ZBTB20: variants seen among roughly 807,000 people sequenced by gnomAD.
ZBTB20 encodes zinc finger and BTB domain containing 20.
ZBTB20 carries 9 observed loss-of-function variants against 56.9 expected under a neutral mutation model. The ratio of observed to expected loss-of-function variants is 0.16; its 90% CI spans 0.10 to 0.28. The LOEUF (loss-of-function observed/expected upper bound fraction) is 0.28, where lower values mean the gene tolerates loss of function less well. Ranked by LOEUF, ZBTB20 falls within the 10% of genes least tolerant of loss-of-function variation. ZBTB20 has a pLI of 1.00. For synonymous variants in ZBTB20, 417 were observed against 420.7 expected (o/e 0.99, Z 0.11); for missense variants, 655 against 1,003.0 (o/e 0.65, Z 4.69).
intron 6 of ZBTB20, among the ~76,000 whole-genome samples, chr3:114,638,136 G>A (rs1336499424): frequency 6.6e-6 from 1 of 152,040 alleles, no homozygotes; most frequent in Non-Finnish European, 1.5e-5. Context: ...GTGGCCTAGG[G>A]ATTCAGTTAT....
At chr3:114,546,030 T>C (rs2049837160) in intron 6 of ZBTB20, among the ~76,000 whole-genome samples, 1 of 152,242 alleles carries the variant, frequency 6.6e-6, no homozygotes, top group African/African-American at 2.4e-5. Context: ...TGAAGAATTT[T>C]TGAGATCCAT....
intron 6 of ZBTB20, among the ~76,000 whole-genome samples, chr3:114,567,670 C>T (rs372684277): frequency 7.1e-4 from 108 of 152,250 alleles, no homozygotes; most frequent in African/African-American, 1.1e-3. Context: ...CATATAACCC[C>T]TACATCACAC....
intron 1 of ZBTB20, among the ~76,000 whole-genome samples, chr3:115,099,613 C>T (rs1229398025): frequency 6.6e-6 from 1 of 152,182 alleles, no homozygotes; most frequent in Admixed American, 6.6e-5. Flanking sequence ...ATTAAATAAA[C>T]ATGCTGGCAA....
chr3:114,815,599 G>A (rs1222393658), intron 4 of ZBTB20, among the ~76,000 whole-genome samples: 1 of 152,116 alleles, frequency 6.6e-6, no homozygotes, highest in Non-Finnish European at 1.5e-5. Context: ...TTTAGTAATT[G>A]ATCAAGTACT....
intron 6 of ZBTB20, among the ~76,000 whole-genome samples, chr3:114,640,759 T>C (rs914778931): frequency 1.3e-5 from 2 of 151,980 alleles, no homozygotes; most frequent in Admixed American, 6.6e-5. Flanking sequence ...CCAACTTCTA[T>C]AAAGAGAAAG....
In ZBTB20 at chr3:114,388,900, G is replaced by A. The variant is rs183368771; in HGVS notation, c.-154+105C>T. On this transcript the variant is annotated intron_variant, in intron 8 of 11. Transcript: ENST00000675478. ...TGGTTACCCTGCTGATCCAAGAAAT[G>A]AAGCCATCTAAAATTTTGCCTGCTT... is the stretch of plus-strand genomic sequence containing the variant. 2.0e-5 allele frequency: 3 copies of A among 152,396 alleles called. No individual in the cohort carries two copies. The East Asian group carries it at 5.8e-4, about 29-fold the overall frequency. 9.4% of individuals were successfully genotyped at this position (152,396 alleles called of 1,614,324 possible). A position where few individuals can be genotyped will look rare whatever the true frequency, so the allele number is the denominator to read the frequency against.
chr3:114,535,257 GAAGAA>G (rs2048327500), intron 6 of ZBTB20, among the ~76,000 whole-genome samples: 1 of 151,942 alleles, frequency 6.6e-6, no homozygotes, highest in Non-Finnish European at 1.5e-5. Flanking sequence ...GACTAATCAA[GAAGAA>G]AAGAGAGAAG....
chr3:114,467,656 T>C (rs2092605332), intron 7 of ZBTB20, among the ~76,000 whole-genome samples: 1 of 152,200 alleles, frequency 6.6e-6, no homozygotes, highest in Non-Finnish European at 1.5e-5. Flanking sequence ...TAAACAAACA[T>C]TATTTTTTCC....
intron 6 of ZBTB20, among the ~76,000 whole-genome samples, chr3:114,601,680 T>C (rs557551584): frequency 2.0e-5 from 3 of 152,070 alleles, no homozygotes; most frequent in African/African-American, 7.2e-5. Flanking sequence ...AGGAAGAAGA[T>C]TGCATATTGA....
intron 7 of ZBTB20, among the ~76,000 whole-genome samples, chr3:114,408,972 C>T (rs2087632643): frequency 6.6e-6 from 1 of 151,976 alleles, no homozygotes; most frequent in Non-Finnish European, 1.5e-5. Flanking sequence ...CAATTAAGGT[C>T]CTCGCCTTCA....
intron 7 of ZBTB20, among the ~76,000 whole-genome samples, chr3:114,447,640 T>C (rs1251524627): frequency 6.6e-6 from 1 of 152,190 alleles, no homozygotes; most frequent in Non-Finnish European, 1.5e-5. Context: ...CAATTTTATG[T>C]GTGTAGTATG....
chr3:114,465,859 C>T (rs1179090949), intron 7 of ZBTB20, among the ~76,000 whole-genome samples: 1 of 152,104 alleles, frequency 6.6e-6, no homozygotes, highest in African/African-American at 2.4e-5. Flanking sequence ...CAGAGCTGAG[C>T]TTTACCTCAG....
intron 5 of ZBTB20, among the ~76,000 whole-genome samples, chr3:114,754,714 C>T (rs1462291174): frequency 6.6e-6 from 1 of 151,926 alleles, no homozygotes; most frequent in Non-Finnish European, 1.5e-5. Context: ...TATAGTAGTT[C>T]TTAATAAATG....
chr3:115,017,865 C>T (rs1161056894), intron 2 of ZBTB20, among the ~76,000 whole-genome samples: 1 of 151,426 alleles, frequency 6.6e-6, no homozygotes, highest in Non-Finnish European at 1.5e-5. Context: ...ATATATACAA[C>T]ACATATGCAC....
chr3:114,765,154 G>C (rs2068701529), intron 5 of ZBTB20, among the ~76,000 whole-genome samples: 1 of 152,142 alleles, frequency 6.6e-6, no homozygotes, highest in Non-Finnish European at 1.5e-5. Context: ...ATTGAGTCCT[G>C]CAGAAATCAT....
At chr3:114,983,311 T>G (rs1341117503) in intron 2 of ZBTB20, among the ~76,000 whole-genome samples, 1 of 152,038 alleles carries the variant, frequency 6.6e-6, no homozygotes, top group African/African-American at 2.4e-5. Context: ...GCATGAGGTA[T>G]TCGTCTCTAC....
rs987157460 is a variant in ZBTB20, at chr3:114,326,277, G to A, written c.*12728C>T. ...AAAAAGGATTTGAGGAGGCAATAAGGATTTGTAGTACAAAATGCATGGTCT... is the reference window on the plus strand; with the variant it reads ...AAAAAGGATTTGAGGAGGCAATAAGAATTTGTAGTACAAAATGCATGGTCT... On this transcript the variant is annotated 3_prime_UTR_variant, in exon 12 of 12. Transcript: ENST00000675478. 6.6e-6 allele frequency: 1 copy of A among 152,074 alleles called. No homozygotes were observed. Among genetic ancestry groups the A allele is most frequent in the Non-Finnish European group, 1.5e-5 (1 of 68,010 alleles). The allele number at this position is 152,074 out of a possible 1,614,324, so 9.4% of individuals were successfully genotyped here.
At chr3:115,001,531 A>AT (rs150068271) in intron 2 of ZBTB20, among the ~76,000 whole-genome samples, 16 of 149,356 alleles carry the variant, frequency 1.1e-4, no homozygotes, top group Middle Eastern at 3.4e-3. Context: ...AAGTTTAGGG[A>AT]TTTTTTTTTT....
intron 6 of ZBTB20, among the ~76,000 whole-genome samples, chr3:114,612,099 A>G (rs2057604791): frequency 6.6e-6 from 1 of 152,126 alleles, no homozygotes; most frequent in Non-Finnish European, 1.5e-5. Flanking sequence ...GTTTTCCCAT[A>G]TTAAACCATT....
Sources: gnomAD v4.1 joint callset for allele counts (sites outside exome capture counted in the v4.1 genomes callset) on GRCh38, gnomAD v4.1.1 for gene constraint, MANE v1.5 for transcripts, NCBI Gene and HGNC (gene_info 2026-07-23, HGNC 2026-07-21) for gene names.